NDFIP2: variants seen among roughly 807,000 people sequenced by gnomAD.
NDFIP2 encodes the protein NEDD4 family-interacting protein 2.
In NDFIP2, 19 loss-of-function variants were observed where a neutral mutation model predicts 36.0. The observed-to-expected ratio is 0.53, with a 90% CI of 0.37 to 0.77. NDFIP2 has a LOEUF of 0.77. Among genes scored for constraint, NDFIP2 ranks in the 30% least tolerant of loss-of-function variants. NDFIP2 has a pLI of 0.00. For synonymous variants in NDFIP2, 181 were observed against 167.7 expected (o/e 1.08, Z -0.61); for missense variants, 446 against 435.8 (o/e 1.02, Z -0.21).
At chr13:79,505,872 A>C (rs1873846040) in intron 1 of NDFIP2, among the ~76,000 whole-genome samples, 1 of 152,116 alleles carries the variant, frequency 6.6e-6, no homozygotes, top group Non-Finnish European at 1.5e-5. Flanking sequence ...AAGTGGATAC[A>C]TGCTGGTATT....
intron 1 of NDFIP2, among the ~76,000 whole-genome samples, chr13:79,501,959 C>T (rs1181754789): frequency 6.6e-6 from 1 of 152,050 alleles, no homozygotes; most frequent in African/African-American, 2.4e-5. Flanking sequence ...CTTACTATGG[C>T]CTTGCCTCAG....
At chr13:79,546,669 C>T (rs1276883355) in intron 5 of NDFIP2, among the ~76,000 whole-genome samples, 3 of 152,116 alleles carry the variant, frequency 2.0e-5, no homozygotes, top group Non-Finnish European at 4.4e-5. Context: ...TCTTTGACAT[C>T]AGGGTGAAGG....
Position 79,548,509 on chromosome 13 carries a change from T to C in NDFIP2, c.907+115T>C. Reference sequence around the variant, plus strand: ...TTATTTTTCTTCTGTAAAATTCTCATATTCAAACACATCATCTCACGTTTT... The same window carrying C: ...TTATTTTTCTTCTGTAAAATTCTCACATTCAAACACATCATCTCACGTTTT... On this transcript the variant is annotated intron_variant, in intron 6 of 7. Coordinates refer to ENST00000218652, the MANE Select transcript of NDFIP2 (RefSeq NM_019080.3). 3 of 813,384 alleles carry C rather than the reference T, an allele frequency of 3.7e-6. No individual in the cohort carries two copies. The South Asian group carries it at 5.3e-5, about 14-fold the overall frequency. The allele number at this position is 813,384 out of a possible 1,614,324, so 50.4% of individuals were successfully genotyped here. A position where few individuals can be genotyped will look rare whatever the true frequency, so the allele number is the denominator to read the frequency against.
intron 1 of NDFIP2, among the ~76,000 whole-genome samples, chr13:79,501,609 A>C (rs1473465307): frequency 6.6e-6 from 1 of 152,084 alleles, no homozygotes; most frequent in African/African-American, 2.4e-5. Flanking sequence ...AAGTTATTCA[A>C]ATTATGTGTT....
At position 79,510,385 on chromosome 13, in the gene NDFIP2, T is replaced by G. The variant is rs989293425; in HGVS notation, c.322-10425T>G. Among the ~76,000 whole-genome samples, 5 of 151,494 alleles carry G rather than the reference T, an allele frequency of 3.3e-5. No individual in the cohort carries two copies. In the South Asian group the frequency reaches 8.3e-4, roughly 25 times the overall value. On this transcript the variant is annotated intron_variant, in intron 1 of 7. Coordinates refer to ENST00000218652, the MANE Select transcript of NDFIP2 (RefSeq NM_019080.3). ...TGAGCCCATGGTGATTTTTTTTGTT[T>G]TTTTTTTTTTGACCCTTTTTACTTT...
At chr13:79,552,362 C>G (rs1269679041) in intron 7 of NDFIP2, among the ~76,000 whole-genome samples, 154 bp from the exon 8 acceptor site, 1 of 151,242 alleles carries the variant, frequency 6.6e-6, no homozygotes, top group Non-Finnish European at 1.5e-5. Flanking sequence ...GCTATAGAAG[C>G]CTTACACTTT....
chr13:79,521,069 CAT>C (rs1201569104), intron 2 of NDFIP2, 94 bp downstream of exon 2: 21 of 990,578 alleles, frequency 2.1e-5, no homozygotes, highest in Non-Finnish European at 2.6e-5. Context: ...GGCTTATAAA[CAT>C]ATATACACAT....
intron 5 of NDFIP2, among the ~76,000 whole-genome samples, chr13:79,546,120 T>C (rs1039347834): frequency 6.6e-6 from 1 of 152,218 alleles, no homozygotes; most frequent in Non-Finnish European, 1.5e-5. Flanking sequence ...TACACTGTAC[T>C]TTGACTTTTA....
At chr13:79,543,254 A>G (rs1875530897) in intron 4 of NDFIP2, among the ~76,000 whole-genome samples, 1 of 152,176 alleles carries the variant, frequency 6.6e-6, no homozygotes, top group African/African-American at 2.4e-5. Flanking sequence ...CACATGTGAG[A>G]TACATTGTGA....
At chr13:79,485,981 C>T (rs1049404296) in intron 1 of NDFIP2, among the ~76,000 whole-genome samples, 1 of 152,110 alleles carries the variant, frequency 6.6e-6, no homozygotes. Context: ...TCCAAAAACC[C>T]GAAATCTAAA....
intron 5 of NDFIP2, among the ~76,000 whole-genome samples, chr13:79,543,886 G>A (rs1875555273): frequency 6.6e-6 from 1 of 152,096 alleles, no homozygotes; most frequent in Non-Finnish European, 1.5e-5. Flanking sequence ...TAATATAGTG[G>A]AAAGAACTTT....
chr13:79,507,935 A>C (rs1873934187), intron 1 of NDFIP2, among the ~76,000 whole-genome samples: 1 of 151,850 alleles, frequency 6.6e-6, no homozygotes, highest in Non-Finnish European at 1.5e-5. Flanking sequence ...ATTTTTGTGA[A>C]TGTTTTTCTG....
intron 6 of NDFIP2, 77 bp downstream of exon 6, chr13:79,548,471 A>AT: frequency 9.2e-7 from 1 of 1,085,870 alleles, no homozygotes. Context: ...CTGTGTTGCA[A>AT]TTTATGTGGA....
At chr13:79,489,603 G>T (rs377165121) in intron 1 of NDFIP2, among the ~76,000 whole-genome samples, 7 of 152,190 alleles carry the variant, frequency 4.6e-5, no homozygotes, top group African/African-American at 1.7e-4. Context: ...GATCAGCTTA[G>T]TCAGGTAACT....
intron 1 of NDFIP2, among the ~76,000 whole-genome samples, chr13:79,517,071 A>G (rs1270895069): frequency 1.3e-5 from 2 of 152,194 alleles, no homozygotes; most frequent in South Asian, 2.1e-4. Flanking sequence ...ACTAGCCACA[A>G]ATGCTTTTAA....
intron 5 of NDFIP2, 54 bp from the exon 6 acceptor site, chr13:79,548,274 A>G (rs983316071): frequency 8.0e-7 from 1 of 1,246,388 alleles, no homozygotes; most frequent in Admixed American, 2.1e-5. Context: ...ATAATTTATG[A>G]TTTTCAAATT....
chr13:79,507,496 G>A lies in NDFIP2; in HGVS notation c.322-13314G>A, dbSNP rs1272216388. On this transcript the variant is annotated intron_variant, in intron 1 of 7. Coordinates refer to ENST00000218652, the MANE Select transcript of NDFIP2 (RefSeq NM_019080.3). ...TCACCGTTTTAGCCGGGATGGTCTC[G>A]ATCTCCTGACCTCGTGATCCGCCCG... Among the ~76,000 whole-genome samples, 2 of 39,126 alleles carry A rather than the reference G, an allele frequency of 5.1e-5. 1 individual carries two copies. The highest frequency in any genetic ancestry group is 8.1e-5 in the Non-Finnish European group (2 of 24,742). The allele number at this position is 39,126 out of a possible 152,430, so 25.7% of individuals were successfully genotyped here. A position where few individuals can be genotyped will look rare whatever the true frequency, so the allele number is the denominator to read the frequency against.
chr13:79,484,430 G>A (rs1260416029), intron 1 of NDFIP2, among the ~76,000 whole-genome samples: 1 of 152,170 alleles, frequency 6.6e-6, no homozygotes, highest in Non-Finnish European at 1.5e-5. Context: ...GTTGATTGTA[G>A]CAGTAATTTC....
At chr13:79,525,748 T>G (rs545531900) in intron 2 of NDFIP2, among the ~76,000 whole-genome samples, 1 of 152,204 alleles carries the variant, frequency 6.6e-6, no homozygotes, top group East Asian at 1.9e-4. Context: ...TTAAAACTTA[T>G]GAGTTGTTTA....
Sources: gnomAD v4.1 joint callset for allele counts (sites outside exome capture counted in the v4.1 genomes callset) on GRCh38, gnomAD v4.1.1 for gene constraint, MANE v1.5 for transcripts, NCBI Gene and HGNC (gene_info 2026-07-23, HGNC 2026-07-21) for gene names.